Variants in TJP1 observed in about 807,000 individuals in gnomAD.
TJP1 encodes the protein tight junction protein ZO-1.
TJP1 carries 43 observed loss-of-function variants against 194.2 expected under a neutral mutation model. The observed-to-expected ratio is 0.22, with a 90% CI of 0.17 to 0.29. TJP1 has a LOEUF of 0.29. Ranked by LOEUF, TJP1 falls within the 10% of genes least tolerant of loss-of-function variation. The pLI is 1.00. For missense variants in TJP1, 1,971 were observed against 2,185.7 expected (o/e 0.90, Z 1.96); for synonymous variants, 801 against 779.0 (o/e 1.03, Z -0.47).
chr15:29,718,795 G>A lies in TJP1; in HGVS notation c.3347C>T (p.Ser1116Phe). ...FDNQHSQDLDSRQHPEESSER... is the reference protein window; with the variant it reads ...FDNQHSQDLDFRQHPEESSER... ...TGAGGACTCTTCGGGATGCTGTCTG[G>A]AGTCAAGGTCTTGAGAGTGCTGATT... Residue 1116 changes from serine to phenylalanine, a missense_variant, in exon 21 of 28, where the codon TCC becomes TTC. Coordinates refer to ENST00000614355, the MANE Select transcript of TJP1 (RefSeq NM_001330239.4). 1 of 1,614,188 alleles carries A rather than the reference G, an allele frequency of 6.2e-7. No homozygotes were observed. Among genetic ancestry groups the A allele is most frequent in the Non-Finnish European group, 8.5e-7 (1 of 1,180,044 alleles).
At chr15:29,830,633 A>T (rs1434542809) in intron 2 of TJP1, among the ~76,000 whole-genome samples, 1 of 151,848 alleles carries the variant, frequency 6.6e-6, no homozygotes, top group Non-Finnish European at 1.5e-5. Context: ...TATAAAATAA[A>T]AAAAGTTAAG....
intron 1 of TJP1, among the ~76,000 whole-genome samples, chr15:29,958,623 T>C (rs1296999997): frequency 6.6e-6 from 1 of 152,154 alleles, no homozygotes; most frequent in African/African-American, 2.4e-5. Flanking sequence ...CACATGTACA[T>C]TAACATCTTT....
At chr15:29,862,634 GT>G (rs1295525010) in intron 2 of TJP1, among the ~76,000 whole-genome samples, 3 of 140,332 alleles carry the variant, frequency 2.1e-5, no homozygotes, top group Non-Finnish European at 3.0e-5. Context: ...TAGGCAATAG[GT>G]TTTTTTCTTT....
chr15:29,785,272 G>A (rs2047629188), intron 2 of TJP1, among the ~76,000 whole-genome samples: 1 of 152,132 alleles, frequency 6.6e-6, no homozygotes, highest in Non-Finnish European at 1.5e-5. Context: ...CTAGACAACT[G>A]AATTTATGTT....
At chr15:29,849,554 T>C (rs1008873470) in intron 2 of TJP1, among the ~76,000 whole-genome samples, 1 of 151,512 alleles carries the variant, frequency 6.6e-6, no homozygotes, top group Non-Finnish European at 1.5e-5. Flanking sequence ...GCCTTACCAA[T>C]ATGACAAAAT....
chr15:29,852,439 C>T (rs1485184869), intron 2 of TJP1, among the ~76,000 whole-genome samples: 1 of 152,166 alleles, frequency 6.6e-6, no homozygotes, highest in Admixed American at 6.5e-5. Flanking sequence ...CAGTGTCATA[C>T]CTATTTGGTG....
At chr15:29,779,799 C>A (rs1356473932) in intron 2 of TJP1, among the ~76,000 whole-genome samples, 2 of 152,204 alleles carry the variant, frequency 1.3e-5, no homozygotes, top group East Asian at 3.9e-4. Context: ...CAGTCGACTA[C>A]ATAACAAACC....
chr15:29,943,337 A>G (rs1407305735), intron 2 of TJP1, among the ~76,000 whole-genome samples: 3 of 152,186 alleles, frequency 2.0e-5, no homozygotes, highest in Non-Finnish European at 4.4e-5. Flanking sequence ...TTTGCTATTT[A>G]TTAAAAACAC....
Position 29,705,660 on chromosome 15 carries a change from C to G in TJP1, c.4936G>C (p.Val1646Leu), listed in dbSNP as rs775526130. ...ACACCAGTTTCTATGGAACTCAGCA[C>G]GCCCCCATTGCTGTTAAATATGCCT... is the stretch of plus-strand genomic sequence containing the variant. ...ARGIFNSNGG[V>L]LSSIETGVSI... Residue 1646 changes from valine (V) to leucine (L), a missense_variant, in exon 26 of 28, where the codon GTG becomes CTG. Val to Leu is a conservative substitution (Grantham distance 32). Coordinates refer to ENST00000614355, the MANE Select transcript of TJP1 (RefSeq NM_001330239.4). 19 of 1,614,056 alleles carry G rather than the reference C, an allele frequency of 1.2e-5. No homozygotes were observed. In the South Asian group the frequency reaches 2.1e-4, roughly 18 times the overall value.
chr15:29,938,692 G>A (rs2054965264), intron 2 of TJP1, among the ~76,000 whole-genome samples: 1 of 152,176 alleles, frequency 6.6e-6, no homozygotes, highest in Non-Finnish European at 1.5e-5. Flanking sequence ...AATATCAATT[G>A]CTTCCAGCAA....
chr15:29,710,788 A>G, intron 24 of TJP1, 43 bp downstream of exon 24: 1 of 1,611,204 alleles, frequency 6.2e-7, no homozygotes, highest in Non-Finnish European at 8.5e-7. Context: ...ATTTTACTTC[A>G]TAAGCATTAC....
Position 29,716,847 on chromosome 15 carries a change from TAATG to T in TJP1, c.3975-13_3975-10del, listed in dbSNP as rs1213607309. The T allele has an allele frequency of 1.3e-6, 2 of 1,583,998 alleles. No individual in the cohort carries two copies. The highest frequency in any genetic ancestry group is 1.3e-5 in the African/African-American group (1 of 74,124). ...TTTGAGGTTCTGGGATCCTAACAGA[TAATG>T]AATGACAAACGGAACACCTTTTTAA... is the stretch of plus-strand genomic sequence containing the variant. On this transcript the variant is annotated splice_polypyrimidine_tract_variant and intron_variant, in intron 22 of 27. Transcript: ENST00000614355.
At chr15:29,821,228 CAAT>C (rs1287286750) in intron 1 of TJP1, among the ~76,000 whole-genome samples, 4 of 152,084 alleles carry the variant, frequency 2.6e-5, no homozygotes, top group Non-Finnish European at 5.9e-5. Flanking sequence ...TGGGAAAATG[CAAT>C]AATATTTCAG....
chr15:29,742,537 CAT>C (rs749672890), intron 9 of TJP1, 103 bp downstream of exon 9: 303 of 1,306,844 alleles, frequency 2.3e-4, no homozygotes, highest in Non-Finnish European at 2.7e-4. Context: ...CAAATTCACA[CAT>C]GAGAAGAATA....
At chr15:29,888,350 C>T (rs1448115378) in intron 2 of TJP1, among the ~76,000 whole-genome samples, 3 of 151,852 alleles carry the variant, frequency 2.0e-5, no homozygotes, top group Non-Finnish European at 4.4e-5. Flanking sequence ...TAGGAATATA[C>T]ACACACACAT....
intron 2 of TJP1, among the ~76,000 whole-genome samples, chr15:29,872,487 T>C (rs1229707981): frequency 4.6e-5 from 7 of 152,132 alleles, no homozygotes; most frequent in Non-Finnish European, 1.0e-4. Flanking sequence ...TCCACGGAGG[T>C]CTGCCCTCTG....
intron 2 of TJP1, among the ~76,000 whole-genome samples, chr15:29,779,255 C>A (rs1358462748): frequency 6.6e-6 from 1 of 152,140 alleles, no homozygotes; most frequent in Non-Finnish European, 1.5e-5. Context: ...GCCAAAACCT[C>A]CTTCCTCAGA....
Position 29,708,444 on chromosome 15 carries a change from A to C in TJP1, c.4850+115T>G, listed in dbSNP as rs188867073. ...AGCATTCATTGCAACAACACTCTTCAGTTTAAAGGTTGAGTTAAAAAGATC... is the reference window on the plus strand; with the variant it reads ...AGCATTCATTGCAACAACACTCTTCCGTTTAAAGGTTGAGTTAAAAAGATC... On this transcript the variant is annotated intron_variant, in intron 25 of 27. Coordinates refer to ENST00000614355, the MANE Select transcript of TJP1 (RefSeq NM_001330239.4). The C allele has an allele frequency of 8.4e-3, 7,026 of 833,570 alleles. 109 individuals are homozygous for C. Among genetic ancestry groups the C allele is most frequent in the South Asian group, 6.7e-3 (393 of 59,076 alleles). 51.6% of individuals were successfully genotyped at this position (833,570 alleles called of 1,614,324 possible).
At chr15:29,784,913 T>A (rs2047604655) in intron 2 of TJP1, among the ~76,000 whole-genome samples, 1 of 151,980 alleles carries the variant, frequency 6.6e-6, no homozygotes, top group African/African-American at 2.4e-5. Flanking sequence ...CAAAAAAAAA[T>A]TTTTACTGTT....
Sources: allele counts gnomAD v4.1 joint callset (sites outside exome capture counted in the v4.1 genomes callset), GRCh38; gene constraint gnomAD v4.1.1; transcripts MANE v1.5; gene names NCBI Gene and HGNC (gene_info 2026-07-23, HGNC 2026-07-21).